The following KLHL14 variants were observed in gnomAD, a reference collection of about 807,000 sequenced individuals.
KLHL14 encodes kelch like family member 14.
A neutral mutation model predicts 64.3 loss-of-function variants in KLHL14; 22 were observed. The observed-to-expected ratio is 0.34, with a 90% confidence interval of 0.24 to 0.49. The LOEUF is 0.49. Among genes scored for constraint, KLHL14 ranks in the 20% least tolerant of loss-of-function variants. KLHL14 has a pLI of 0.99. For synonymous variants in KLHL14, 322 were observed against 333.4 expected, an observed-to-expected ratio of 0.97 and a Z score of 0.37; for missense variants, 661 against 789.0, an observed-to-expected ratio of 0.84 and a Z score of 1.94.
At position 32,748,473 on chromosome 18, in the gene KLHL14, C is replaced by T. The variant is rs7342993; in HGVS notation, c.948-6424G>A. On this transcript the variant is annotated intron_variant, in intron 2 of 8. Transcript: ENST00000359358. ...CAAGCTCCGCCTCCCGGGTTCACGCCATTCTCCTGCCTCAGCCTCCCGAGT... is the reference window on the plus strand; with the variant it reads ...CAAGCTCCGCCTCCCGGGTTCACGCTATTCTCCTGCCTCAGCCTCCCGAGT... 7.2e-4 allele frequency among the ~76,000 whole-genome samples: 109 copies of T among 152,186 alleles called. 1 individual carries two copies. The highest frequency in any genetic ancestry group is 2.6e-3 in the African/African-American group (108 of 41,548).
intron 5 of KLHL14, among the ~76,000 whole-genome samples, chr18:32,686,270 C>T (rs2049878861): frequency 6.7e-6 from 1 of 148,306 alleles, no homozygotes; most frequent in South Asian, 2.1e-4. Flanking sequence ...GCTTCGTGAT[C>T]CACCCACCTC....
intron 3 of KLHL14, among the ~76,000 whole-genome samples, chr18:32,726,799 G>T (rs1281043820): frequency 6.6e-6 from 1 of 152,036 alleles, no homozygotes; most frequent in Non-Finnish European, 1.5e-5. Flanking sequence ...GACCTCAGAT[G>T]GGGCTGCCAT....
chr18:32,702,767 G>A (rs1403642839), intron 3 of KLHL14, among the ~76,000 whole-genome samples: 1 of 152,092 alleles, frequency 6.6e-6, no homozygotes, highest in Admixed American at 6.5e-5. Context: ...ATCCAGTTAT[G>A]AGTTGGCAAA....
At chr18:32,753,343 T>C (rs1292595520) in intron 2 of KLHL14, among the ~76,000 whole-genome samples, 4 of 152,190 alleles carry the variant, frequency 2.6e-5, no homozygotes, top group Non-Finnish European at 5.9e-5. Flanking sequence ...ACAACTTTGT[T>C]GGCTGTTGCT....
At chr18:32,735,023 C>T (rs111399576) in intron 3 of KLHL14, among the ~76,000 whole-genome samples, 4,637 of 152,286 alleles carry the variant, frequency 0.03, 93 homozygotes, top group Non-Finnish European at 0.041. Context: ...GTCACTTACA[C>T]GTCATAATTT....
chr18:32,721,405 C>A (rs964575180), intron 3 of KLHL14, among the ~76,000 whole-genome samples: 1 of 151,938 alleles, frequency 6.6e-6, no homozygotes, highest in Non-Finnish European at 1.5e-5. Flanking sequence ...AAGACATAAG[C>A]TCTTCCTAAT....
At chr18:32,696,235 C>T (rs956040802) in intron 3 of KLHL14, among the ~76,000 whole-genome samples, 1 of 152,112 alleles carries the variant, frequency 6.6e-6, no homozygotes, top group African/African-American at 2.4e-5. Context: ...TATCTATTCT[C>T]CTTGCCTCTC....
intron 3 of KLHL14, among the ~76,000 whole-genome samples, chr18:32,724,478 G>T (rs567629648): frequency 1.3e-5 from 2 of 152,258 alleles, no homozygotes; most frequent in African/African-American, 4.8e-5. Context: ...GATAGAAACA[G>T]TGCAGTGTTG....
chr18:32,772,592 C>G (rs1194490362), intron 1 of KLHL14, 75 bp downstream of exon 1: 1 of 152,914 alleles, frequency 6.5e-6, no homozygotes, highest in East Asian at 1.9e-4. Flanking sequence ...GACTCCCTCC[C>G]CGGCCCTTCC....
At chr18:32,763,349 T>C (rs1476680243) in intron 2 of KLHL14, among the ~76,000 whole-genome samples, 3 of 151,978 alleles carry the variant, frequency 2.0e-5, no homozygotes, top group African/African-American at 7.2e-5. Context: ...TGAAGAAGAG[T>C]TAGATGGCAG....
intron 2 of KLHL14, chr18:32,745,027 A>C (rs1198197608): frequency 6.6e-6 from 1 of 152,216 alleles, no homozygotes; most frequent in Non-Finnish European, 1.5e-5. Context: ...CTCTGCAGAG[A>C]CTGTAATAAA....
intron 3 of KLHL14, chr18:32,734,271 T>A: frequency 1.4e-6 from 1 of 702,574 alleles, no homozygotes. Context: ...ATATGTCACT[T>A]TTAATCACCA....
At position 32,715,187 on chromosome 18, in the gene KLHL14, T is replaced by A. The variant is rs1282133490; in HGVS notation, c.1070-19635A>T. Reference sequence around the variant, plus strand: ...ATATCTTGAAAAATCTGCAGATAAGTCCCATGGTGTTGACATAGCAGAGAT... The same window carrying A: ...ATATCTTGAAAAATCTGCAGATAAGACCCATGGTGTTGACATAGCAGAGAT... On this transcript the variant is annotated intron_variant, in intron 3 of 8. Transcript: ENST00000359358. Among the ~76,000 whole-genome samples, 5 of 152,172 alleles carry A rather than the reference T, an allele frequency of 3.3e-5. No homozygotes were observed. The East Asian group carries it at 7.7e-4, about 23-fold the overall frequency.
intron 2 of KLHL14, among the ~76,000 whole-genome samples, chr18:32,761,193 G>T (rs1260459857): frequency 1.3e-5 from 2 of 152,126 alleles, no homozygotes; most frequent in African/African-American, 4.8e-5. Context: ...CTAACGTGGA[G>T]CCAGGCCACT....
chr18:32,695,986 A>C (rs1450213297), intron 3 of KLHL14, among the ~76,000 whole-genome samples: 2 of 152,140 alleles, frequency 1.3e-5, no homozygotes, highest in African/African-American at 4.8e-5. Flanking sequence ...GTTTGCTGGC[A>C]ATCTTTCCAT....
In KLHL14 at chr18:32,750,056, G is replaced by GCA. The variant is rs202051240; in HGVS notation, c.948-8009_948-8008dup. ...GGCAATGAGAGAGAGAGAGAGGAGA[G>GCA]CACACGTGTGTGCTCTCCTCTCTCT... On this transcript the variant is annotated intron_variant, in intron 2 of 8. Coordinates refer to ENST00000359358, the MANE Select transcript of KLHL14 (RefSeq NM_020805.3). Among the ~76,000 whole-genome samples, 271 of 151,044 alleles carry GCA rather than the reference G, an allele frequency of 1.8e-3. 2 individuals carry two copies. The highest frequency in any genetic ancestry group is 6.4e-3 in the African/African-American group (262 of 41,176).
intron 5 of KLHL14, among the ~76,000 whole-genome samples, chr18:32,686,019 T>C (rs1275846538): frequency 6.0e-5 from 9 of 151,126 alleles, no homozygotes; most frequent in African/African-American, 7.3e-5. Context: ...TTTCTTTTTT[T>C]TTTTTTTTTT....
At chr18:32,699,560 C>A (rs769959330) in intron 3 of KLHL14, among the ~76,000 whole-genome samples, 1 of 151,988 alleles carries the variant, frequency 6.6e-6, no homozygotes, top group Admixed American at 6.6e-5. Context: ...AGGTACCGAA[C>A]GGCAGAGATA....
Position 32,769,606 on chromosome 18 carries a change from AC to A in KLHL14, c.947+38del, listed in dbSNP as rs545805866. ...CCCTCCCTCCGGCCTCTCTGGCTCT[AC>A]CCCCCCCTCCCCCGCCCTCCTCTTT... On this transcript the variant is annotated intron_variant, in intron 2 of 8. Coordinates refer to ENST00000359358, the MANE Select transcript of KLHL14 (RefSeq NM_020805.3). 480 of 341,566 alleles carry A rather than the reference AC, an allele frequency of 1.4e-3. 1 individual carries two copies. The highest frequency in any genetic ancestry group is 9.1e-3 in the Middle Eastern group (9 of 988). The allele number at this position is 341,566 out of a possible 1,614,324, so 21.2% of individuals were successfully genotyped here. A position where few individuals can be genotyped will look rare whatever the true frequency, so the allele number is the denominator to read the frequency against.
Sources: gnomAD v4.1 joint callset for allele counts (sites outside exome capture counted in the v4.1 genomes callset) on GRCh38, gnomAD v4.1.1 for gene constraint, MANE v1.5 for transcripts, NCBI Gene and HGNC (gene_info 2026-07-23, HGNC 2026-07-21) for gene names.